Variants in ANO6 observed in about 807,000 individuals in gnomAD.
The protein encoded by ANO6 is anoctamin-6.
In ANO6, 106 loss-of-function variants were observed where a neutral mutation model predicts 117.5. The ratio of observed to expected loss-of-function variants is 0.90; its 90% CI spans 0.77 to 1.06. The LOEUF (loss-of-function observed/expected upper bound fraction) is 1.06. ANO6 is among the 50% of genes least tolerant of loss of function. The probability of loss-of-function intolerance (pLI) is 0.00; values close to 1 mark genes in which losing one functional copy is unlikely to be tolerated. For missense variants in ANO6, 955 were observed against 1,121.1 expected, an observed-to-expected ratio of 0.85 and a Z score of 2.12; for synonymous variants, 367 against 385.1, an observed-to-expected ratio of 0.95 and a Z score of 0.55.
At chr12:45,238,682 A>G (rs1426427953) in intron 1 of ANO6, among the ~76,000 whole-genome samples, 1 of 152,206 alleles carries the variant, frequency 6.6e-6, no homozygotes, top group Non-Finnish European at 1.5e-5. Context: ...TGGGTTTGTC[A>G]TAAATAGCTC....
chr12:45,245,477 T>G (rs189529450), intron 1 of ANO6, among the ~76,000 whole-genome samples: 8 of 151,928 alleles, frequency 5.3e-5, no homozygotes, highest in African/African-American at 1.7e-4. Flanking sequence ...TTCCTTGGGT[T>G]AGTAGTGTCC....
chr12:45,393,762 G>T (rs578002911), intron 12 of ANO6, among the ~76,000 whole-genome samples: 12 of 152,222 alleles, frequency 7.9e-5, no homozygotes, highest in Admixed American at 5.9e-4. Context: ...ATAAGTGAAG[G>T]AGAAATAAAA....
At chr12:45,405,910 A>T (rs1233660142) in intron 15 of ANO6, among the ~76,000 whole-genome samples, 1 of 152,152 alleles carries the variant, frequency 6.6e-6, no homozygotes, top group Non-Finnish European at 1.5e-5. Context: ...TCCATCTCGA[A>T]GAAAAAAAAA....
chr12:45,367,723 T>C lies in ANO6; in HGVS notation c.1034T>C (p.Ile345Thr). Residue 345 changes from isoleucine to threonine, a missense_variant, in exon 9 of 20, where the codon ATC becomes ACC. Physicochemically the swap from Ile to Thr is moderately conservative, Grantham distance 89 (BLOSUM62 -1). Coordinates refer to ENST00000320560, the MANE Select transcript of ANO6 (RefSeq NM_001025356.3). The part of the protein sequence containing the change: ...EVCHPDIGGK[I>T]IMCPQCDRLC... ...TGTCATCCTGATATTGGTGGCAAGA[T>C]CATAATGTGTCCTCAGTGTGATAGG... The C allele has an allele frequency of 6.2e-7, 1 of 1,613,636 alleles. No individual in the cohort carries two copies. Among genetic ancestry groups the C allele is most frequent in the Non-Finnish European group, 8.5e-7 (1 of 1,179,840 alleles).
At chr12:45,422,380 G>A (rs1943387456) in intron 18 of ANO6, among the ~76,000 whole-genome samples, 1 of 152,094 alleles carries the variant, frequency 6.6e-6, no homozygotes, top group Non-Finnish European at 1.5e-5. Flanking sequence ...AATGTTGGGA[G>A]AACAAATTTA....
chr12:45,306,668 A>G (rs1399174614), intron 2 of ANO6, among the ~76,000 whole-genome samples: 1 of 152,160 alleles, frequency 6.6e-6, no homozygotes, highest in South Asian at 2.1e-4. Context: ...AAGAGTTAAA[A>G]TATTAATTTA....
intron 12 of ANO6, among the ~76,000 whole-genome samples, 184 bp from the exon 13 acceptor site, chr12:45,401,611 A>G (rs1314117385): frequency 6.6e-6 from 1 of 151,978 alleles, no homozygotes; most frequent in Non-Finnish European, 1.5e-5. Context: ...CCTTCTTTTC[A>G]CTTCCATCAT....
chr12:45,313,432 A>C (rs1353413941), intron 2 of ANO6: 1 of 152,090 alleles, frequency 6.6e-6, no homozygotes, highest in Non-Finnish European at 1.5e-5. Context: ...TAGCTATCTT[A>C]AAATGATGTT....
intron 1 of ANO6, among the ~76,000 whole-genome samples, chr12:45,229,696 GT>G (rs1275148151): frequency 6.0e-5 from 9 of 150,992 alleles, no homozygotes; most frequent in Non-Finnish European, 1.3e-4. Context: ...CCTTATTTTA[GT>G]TTTTTTAATT....
intron 3 of ANO6, among the ~76,000 whole-genome samples, chr12:45,332,196 G>T (rs759812359): frequency 6.6e-6 from 1 of 151,924 alleles, no homozygotes; most frequent in Non-Finnish European, 1.5e-5. Flanking sequence ...AAAAAAGATT[G>T]CATATATGTG....
chr12:45,301,239 CT>C (rs1287082580), intron 1 of ANO6, among the ~76,000 whole-genome samples: 1,650 of 20,450 alleles, frequency 0.081, 29 homozygotes, highest in African/African-American at 0.098. Context: ...TCACCTGTTT[CT>C]TTTTTTTTAA....
chr12:45,390,472 C>T lies in ANO6; in HGVS notation c.1360C>T (p.Leu454Phe). ...TAWGKCIRITLCASAVFFWIL... is the reference protein window; with the variant it reads ...TAWGKCIRITFCASAVFFWIL... Reference sequence around the variant, plus strand: ...CTGGGGAAAATGTATACGGATAACCCTCTGTGCCAGTGCTGTCTTTTTCTG... The same window carrying T: ...CTGGGGAAAATGTATACGGATAACCTTCTGTGCCAGTGCTGTCTTTTTCTG... Residue 454 changes from leucine (L) to phenylalanine (F), a missense_variant, in exon 12 of 20, where the codon CTC becomes TTC. By Grantham distance (22) the Leu-to-Phe change is conservative (BLOSUM62 0). Coordinates refer to ENST00000320560, the MANE Select transcript of ANO6 (RefSeq NM_001025356.3). The T allele has an allele frequency of 6.2e-7, 1 of 1,613,864 alleles. No homozygotes were observed. The highest frequency in any genetic ancestry group is 1.3e-5 in the African/African-American group (1 of 75,040).
At chr12:45,245,035 T>C (rs1592864181) in intron 1 of ANO6, among the ~76,000 whole-genome samples, 2 of 152,168 alleles carry the variant, frequency 1.3e-5, no homozygotes, top group South Asian at 4.1e-4. Flanking sequence ...AGAGTGGCAG[T>C]GGTAGTTTCT....
At chr12:45,243,700 C>T (rs1025709798) in intron 1 of ANO6, among the ~76,000 whole-genome samples, 1 of 152,150 alleles carries the variant, frequency 6.6e-6, no homozygotes, top group African/African-American at 2.4e-5. Flanking sequence ...CAGTCACCTG[C>T]CACCATGCCT....
At chr12:45,292,780 T>A in intron 1 of ANO6, 1 of 1,460,786 alleles carries the variant, frequency 6.8e-7, no homozygotes. Context: ...GAAATTGTGC[T>A]TACTGAAACT....
chr12:45,431,474 T>G lies in ANO6; in HGVS notation c.*2163T>G, dbSNP rs775988020. On this transcript the variant is annotated 3_prime_UTR_variant, in exon 20 of 20. Transcript: ENST00000320560. ...ACTTAAAAGAAATGTGCATTTGTTT[T>G]CATAGCCCCAGCAGAGAAAATCCTC... 1.0e-6 allele frequency: 1 copy of G among 985,426 alleles called. No homozygotes were observed. Among genetic ancestry groups the G allele is most frequent in the Non-Finnish European group, 1.2e-6 (1 of 829,930 alleles). 61.0% of individuals were successfully genotyped at this position (985,426 alleles called of 1,614,324 possible). A position where few individuals can be genotyped will look rare whatever the true frequency, so the allele number is the denominator to read the frequency against.
intron 1 of ANO6, among the ~76,000 whole-genome samples, chr12:45,289,349 A>G (rs887260503): frequency 2.0e-5 from 3 of 151,620 alleles, no homozygotes; most frequent in Non-Finnish European, 4.4e-5. Context: ...GTATTTTTTC[A>G]GTAGAGATGG....
chr12:45,246,647 C>T (rs1412408810), intron 1 of ANO6, among the ~76,000 whole-genome samples: 8 of 152,110 alleles, frequency 5.3e-5, no homozygotes. Flanking sequence ...GACTTGTTTC[C>T]CTGAAAATGT....
Position 45,346,951 on chromosome 12 carries a change from G to C in ANO6, c.280-71G>C. 4.3e-6 allele frequency: 6 copies of C among 1,409,820 alleles called. No individual in the cohort carries two copies. The East Asian group carries it at 6.9e-5, about 16-fold the overall frequency. 87.3% of individuals were successfully genotyped at this position (1,409,820 alleles called of 1,614,324 possible). A position where few individuals can be genotyped will look rare whatever the true frequency, so the allele number is the denominator to read the frequency against. ...CTAGTTTGATTTTGTTATTAATATTGTTTTAAAAAATGCCTTTTTCTGCCT... is the reference window on the plus strand; with the variant it reads ...CTAGTTTGATTTTGTTATTAATATTCTTTTAAAAAATGCCTTTTTCTGCCT... On this transcript the variant is annotated intron_variant, in intron 3 of 19. Transcript: ENST00000320560.
Sources: gnomAD v4.1 joint callset for allele counts (sites outside exome capture counted in the v4.1 genomes callset) on GRCh38, gnomAD v4.1.1 for gene constraint, MANE v1.5 for transcripts, NCBI Gene and HGNC (gene_info 2026-07-23, HGNC 2026-07-21) for gene names.